LRRC4C: variants seen among roughly 807,000 people sequenced by gnomAD.
The protein encoded by LRRC4C is leucine-rich repeat-containing protein 4C.
LRRC4C carries 5 observed loss-of-function variants against 33.6 expected under a neutral mutation model. The ratio of observed to expected loss-of-function variants is 0.15; its 90% CI spans 0.08 to 0.31. The LOEUF (loss-of-function observed/expected upper bound fraction) is 0.31. Ranked by LOEUF, LRRC4C falls within the 10% of genes least tolerant of loss-of-function variation. The pLI is 1.00. For missense variants in LRRC4C, 560 were observed against 796.7 expected (o/e 0.70, Z 3.58); for synonymous variants, 329 against 302.0 (o/e 1.09, Z -0.93).
chr11:40,992,916 AG>A, intron 1 of LRRC4C, among the ~76,000 whole-genome samples: 1 of 152,280 alleles, frequency 6.6e-6, no homozygotes, highest in South Asian at 2.1e-4. Context: ...TTAGATAAGA[AG>A]AATATTAAAT....
At chr11:40,405,628 G>C (rs992703503) in intron 3 of LRRC4C, among the ~76,000 whole-genome samples, 4 of 145,396 alleles carry the variant, frequency 2.8e-5, no homozygotes, top group African/African-American at 1.0e-4. Flanking sequence ...AAAAAAAAAG[G>C]AATGTACATT....
chr11:40,395,084 A>G (rs1301439756), intron 3 of LRRC4C, among the ~76,000 whole-genome samples: 1 of 152,144 alleles, frequency 6.6e-6, no homozygotes, highest in Non-Finnish European at 1.5e-5. Context: ...TATAATGTAG[A>G]TGGAGTCAAT....
intron 2 of LRRC4C, among the ~76,000 whole-genome samples, chr11:40,701,590 G>A (rs1295440903): frequency 6.7e-6 from 1 of 149,338 alleles, no homozygotes; most frequent in East Asian, 2.0e-4. Flanking sequence ...ATAGGAATAT[G>A]TTTTCATATA....
intron 3 of LRRC4C, among the ~76,000 whole-genome samples, chr11:40,631,779 T>G (rs1362661142): frequency 6.6e-6 from 1 of 152,204 alleles, no homozygotes; most frequent in Non-Finnish European, 1.5e-5. Flanking sequence ...GATCATATTT[T>G]TCTTCTATTG....
At chr11:40,853,975 T>C (rs1435426438) in intron 2 of LRRC4C, among the ~76,000 whole-genome samples, 1 of 152,174 alleles carries the variant, frequency 6.6e-6, no homozygotes, top group African/African-American at 2.4e-5. Context: ...ACTTATCAAC[T>C]GGAAGAGAGG....
chr11:40,742,728 T>C lies in LRRC4C; in HGVS notation c.-406-94450A>G, dbSNP rs144913834. The stretch of plus-strand genomic sequence containing the variant: ...AGTACTTGGGATCTGTCATTTTCTG[T>C]TCTACTTTACAGTGGTATTCTGTTC... On this transcript the variant is annotated intron_variant, in intron 2 of 6. Transcript: ENST00000528697. Among the ~76,000 whole-genome samples, 9 of 152,210 alleles carry C rather than the reference T, an allele frequency of 5.9e-5. No individual in the cohort carries two copies. In the East Asian group the frequency reaches 1.7e-3, roughly 29 times the overall value.
chr11:40,344,161 A>C (rs1947011948), intron 3 of LRRC4C, among the ~76,000 whole-genome samples: 1 of 152,172 alleles, frequency 6.6e-6, no homozygotes. Flanking sequence ...TGAGGCCAGC[A>C]TCATCTTGAT....
intron 2 of LRRC4C, among the ~76,000 whole-genome samples, chr11:40,793,535 T>G (rs1950708931): frequency 6.6e-6 from 1 of 152,206 alleles, no homozygotes; most frequent in Non-Finnish European, 1.5e-5. Context: ...ATTAACTCAT[T>G]TAATACTCAC....
chr11:40,243,966 C>T (rs777757561), intron 4 of LRRC4C, among the ~76,000 whole-genome samples: 17 of 151,452 alleles, frequency 1.1e-4, no homozygotes, highest in Non-Finnish European at 2.1e-4. Flanking sequence ...TCCCAAAGTG[C>T]TAGGATTACA....
intron 1 of LRRC4C, among the ~76,000 whole-genome samples, chr11:41,056,222 T>C (rs1267026264): frequency 1.3e-5 from 2 of 152,188 alleles, no homozygotes; most frequent in Non-Finnish European, 2.9e-5. Flanking sequence ...TAAGTCTTTC[T>C]TAAATATGAC....
At chr11:40,827,822 C>T (rs1215426432) in intron 2 of LRRC4C, among the ~76,000 whole-genome samples, 1 of 151,638 alleles carries the variant, frequency 6.6e-6, no homozygotes, top group Non-Finnish European at 1.5e-5. Context: ...TTACATATTT[C>T]ATCTATCAAG....
intron 1 of LRRC4C, among the ~76,000 whole-genome samples, chr11:41,230,039 A>G (rs759562855): frequency 1.6e-4 from 24 of 151,950 alleles, no homozygotes; most frequent in Non-Finnish European, 3.5e-4. Context: ...TCTTGTCCTC[A>G]TCATATCTCT....
rs116588025 is a variant in LRRC4C at position 41,118,817 on chromosome 11, C to T, written c.-495-185094G>A. Among the ~76,000 whole-genome samples, 1,352 of 152,226 alleles carry T rather than the reference C, an allele frequency of 8.9e-3. 21 individuals are homozygous for T. Among genetic ancestry groups the T allele is most frequent in the African/African-American group, 0.031 (1,306 of 41,544 alleles). ...CAATAAATAGCCCTGTGGAACTTAT[C>T]ACTCATTATAAGGATCACCATCAAG... On this transcript the variant is annotated intron_variant, in intron 1 of 6. Transcript: ENST00000528697.
Position 40,344,634 on chromosome 11 carries a change from G to A in LRRC4C, c.-269-24913C>T, listed in dbSNP as rs78243068. ...CTCTTACCACTACTATTTCAATACT[G>A]TACTGGAAGGCCTGGCCTGAGCAAT... is the stretch of plus-strand genomic sequence containing the variant. On this transcript the variant is annotated intron_variant, in intron 3 of 6. Coordinates refer to ENST00000528697, the MANE Select transcript of LRRC4C (RefSeq NM_001258419.2). 8.6e-3 allele frequency among the ~76,000 whole-genome samples: 1,314 copies of A among 152,186 alleles called. 21 individuals carry two copies. The highest frequency in any genetic ancestry group is 0.03 in the African/African-American group (1,243 of 41,544).
Position 40,849,140 on chromosome 11 carries a change from A to G in LRRC4C, c.-407+84495T>C, listed in dbSNP as rs370397508. 1.8e-4 allele frequency among the ~76,000 whole-genome samples: 28 copies of G among 152,294 alleles called. No homozygotes were observed. The South Asian group carries it at 5.2e-3, about 28-fold the overall frequency. Reference sequence around the variant, plus strand: ...TAATTGGGGTATTTGGCCAGTTTACATTTAAGTTTACTAATGCTATGTGTA... The same window carrying G: ...TAATTGGGGTATTTGGCCAGTTTACGTTTAAGTTTACTAATGCTATGTGTA... On this transcript the variant is annotated intron_variant, in intron 2 of 6. Transcript: ENST00000528697.
At chr11:40,892,060 G>T (rs572767720) in intron 2 of LRRC4C, among the ~76,000 whole-genome samples, 10 of 150,194 alleles carry the variant, frequency 6.7e-5, no homozygotes, top group Non-Finnish European at 1.5e-4. Flanking sequence ...ACTTGAACCC[G>T]TGAGGCGGAG....
In LRRC4C at chr11:41,455,837, T is replaced by G. The variant is rs1284541785; in HGVS notation, c.-496+3594A>C. ...AGACTTTGAATGACCTACCAACCAT[T>G]AAGCAATACTTGCAATGTTTGACTG... is the stretch of plus-strand genomic sequence containing the variant. On this transcript the variant is annotated intron_variant, in intron 1 of 6. Coordinates refer to ENST00000528697, the MANE Select transcript of LRRC4C (RefSeq NM_001258419.2). 2.6e-5 allele frequency among the ~76,000 whole-genome samples: 4 copies of G among 152,128 alleles called. No homozygotes were observed. In the East Asian group the frequency reaches 7.7e-4, roughly 29 times the overall value.
intron 5 of LRRC4C, among the ~76,000 whole-genome samples, chr11:40,215,167 T>G (rs576586187): frequency 6.6e-6 from 1 of 152,156 alleles, no homozygotes; most frequent in Admixed American, 6.6e-5. Context: ...CAATTTTGAG[T>G]CTAATTTTTC....
intron 1 of LRRC4C, among the ~76,000 whole-genome samples, chr11:41,342,122 C>G (rs1172528094): frequency 6.6e-6 from 1 of 151,470 alleles, no homozygotes; most frequent in Non-Finnish European, 1.5e-5. Flanking sequence ...TTAATATTAA[C>G]ACAGTTACCT....
Sources: gnomAD v4.1 joint callset for allele counts (sites outside exome capture counted in the v4.1 genomes callset) on GRCh38, gnomAD v4.1.1 for gene constraint, MANE v1.5 for transcripts, NCBI Gene and HGNC (gene_info 2026-07-23, HGNC 2026-07-21) for gene names.